Variants in COL28A1 observed in about 807,000 individuals in gnomAD.
COL28A1 encodes collagen type XXVIII alpha 1 chain.
COL28A1 carries 161 observed loss-of-function variants against 150.2 expected under a neutral mutation model. The observed-to-expected ratio is 1.07, with a 90% CI of 0.94 to 1.22. The LOEUF (loss-of-function observed/expected upper bound fraction) is 1.22. Among genes scored for constraint, COL28A1 ranks in the 50% most tolerant of loss-of-function variants. The probability of loss-of-function intolerance (pLI) is 0.00; values close to 1 mark genes in which losing one functional copy is unlikely to be tolerated. For synonymous variants in COL28A1, 552 were observed against 469.7 expected, an observed-to-expected ratio of 1.18 and a Z score of -2.26; for missense variants, 1,617 against 1,388.3, an observed-to-expected ratio of 1.16 and a Z score of -2.62.
At chr7:7,456,011 G>A (rs1787136334) in intron 16 of COL28A1, 33 bp downstream of exon 16, 1 of 1,613,080 alleles carries the variant, frequency 6.2e-7, no homozygotes. Context: ...GGAATGTTCT[G>A]CACTGAAGGG....
intron 26 of COL28A1, among the ~76,000 whole-genome samples, 175 bp from the exon 27 acceptor site, chr7:7,418,102 A>G (rs897517601): frequency 2.0e-5 from 3 of 152,254 alleles, no homozygotes; most frequent in Admixed American, 6.5e-5. Context: ...TTTAAACCAC[A>G]GAATTCTATG....
intron 15 of COL28A1, among the ~76,000 whole-genome samples, chr7:7,471,751 T>A (rs1374080623): frequency 6.6e-6 from 1 of 152,054 alleles, no homozygotes; most frequent in Non-Finnish European, 1.5e-5. Context: ...AAAAATTAGC[T>A]GGATGTGGTG....
intron 27 of COL28A1, among the ~76,000 whole-genome samples, chr7:7,410,890 G>A (rs1783753046): frequency 6.6e-6 from 1 of 152,076 alleles, no homozygotes; most frequent in Admixed American, 6.6e-5. Context: ...TTTAATAAAT[G>A]AGATTCCTTT....
chr7:7,510,034 TA>T (rs1781037382), intron 9 of COL28A1, among the ~76,000 whole-genome samples: 1 of 152,196 alleles, frequency 6.6e-6, no homozygotes, highest in African/African-American at 2.4e-5. Flanking sequence ...CCTCTTCTCC[TA>T]ACCTTCTGCC....
chr7:7,455,648 G>A (rs1389999769), intron 16 of COL28A1, among the ~76,000 whole-genome samples: 1 of 152,038 alleles, frequency 6.6e-6, no homozygotes, highest in Admixed American at 6.6e-5. Context: ...GTTGGTAGGG[G>A]GATACCACTC....
chr7:7,378,969 C>T (rs1352906177), intron 30 of COL28A1, among the ~76,000 whole-genome samples: 1 of 152,224 alleles, frequency 6.6e-6, no homozygotes, highest in Non-Finnish European at 1.5e-5. Context: ...CCTGAAACCA[C>T]CTGCTGTTTG....
At chr7:7,430,104 A>G (rs1358205895) in intron 25 of COL28A1, among the ~76,000 whole-genome samples, 3 of 152,078 alleles carry the variant, frequency 2.0e-5, no homozygotes, top group Non-Finnish European at 4.4e-5. Flanking sequence ...TGACACAGTG[A>G]AATATTCATA....
intron 25 of COL28A1, among the ~76,000 whole-genome samples, chr7:7,422,350 G>C (rs1360292775): frequency 6.6e-6 from 1 of 152,174 alleles, no homozygotes; most frequent in South Asian, 2.1e-4. Context: ...ATATGGCCAG[G>C]TTGGGCGCAG....
intron 27 of COL28A1, among the ~76,000 whole-genome samples, chr7:7,389,770 G>C (rs1031334452): frequency 6.6e-6 from 1 of 152,140 alleles, no homozygotes; most frequent in Admixed American, 6.5e-5. Context: ...TTGTGAATGG[G>C]AGTTCACTCA....
At chr7:7,474,070 A>AATATATATATATATATATATGGAAT (rs58897994) in intron 15 of COL28A1, among the ~76,000 whole-genome samples, 7 of 143,074 alleles carry the variant, frequency 4.9e-5, no homozygotes, top group Admixed American at 3.5e-4. Flanking sequence ...ATATATATGG[A>AATATATATATATATATATATGGAAT]ATATATATAT....
chr7:7,442,044 A>G (rs1475369743), intron 20 of COL28A1, among the ~76,000 whole-genome samples: 2 of 152,208 alleles, frequency 1.3e-5, no homozygotes, highest in Non-Finnish European at 2.9e-5. Flanking sequence ...CAGGAACCCA[A>G]TTACATGTAA....
At chr7:7,532,015 C>T (rs1486115004) in intron 2 of COL28A1, 111 bp from the exon 3 acceptor site, 17 of 628,830 alleles carry the variant, frequency 2.7e-5, no homozygotes, top group Non-Finnish European at 4.2e-5. Flanking sequence ...TTGAGAGCAG[C>T]GTGAGGAGAG....
Position 7,452,380 on chromosome 7 carries a change from A to C in COL28A1, c.1448T>G (p.Val483Gly), listed in dbSNP as rs1786770376. The C allele has an allele frequency of 6.3e-7, 1 of 1,596,600 alleles. No individual in the cohort carries two copies. The highest frequency in any genetic ancestry group is 1.4e-5 in the African/African-American group (1 of 73,702). ...GQGLPGSKGE[V>G]GQMGPTGPRG... ...AGGGCCTGTAGGTCCCATTTGGCCTACTTCTCCCTAGTAAGAAAAGAGTTT... is the reference window on the plus strand; with the variant it reads ...AGGGCCTGTAGGTCCCATTTGGCCTCCTTCTCCCTAGTAAGAAAAGAGTTT... The change falls in exon 18 of 35, where the codon GTA (valine) becomes GGA (glycine). Residue 483 changes from valine (V) to glycine (G), a missense_variant. By Grantham distance (109) the Val-to-Gly change is moderately radical. Coordinates refer to ENST00000399429, the MANE Select transcript of COL28A1 (RefSeq NM_001037763.3).
At chr7:7,420,015 A>T in intron 25 of COL28A1, 62 bp from the exon 26 acceptor site, 1 of 1,116,306 alleles carries the variant, frequency 9.0e-7, no homozygotes, top group Middle Eastern at 2.7e-4. Context: ...TTTTTTCAAT[A>T]TATATATTTT....
At chr7:7,398,672 G>A (rs1423491354) in intron 27 of COL28A1, among the ~76,000 whole-genome samples, 2 of 152,194 alleles carry the variant, frequency 1.3e-5, no homozygotes, top group Non-Finnish European at 2.9e-5. Context: ...ACAGCTATCT[G>A]TAAAACCTGC....
intron 27 of COL28A1, among the ~76,000 whole-genome samples, chr7:7,412,241 A>G (rs1261404997): frequency 6.6e-6 from 1 of 152,076 alleles, no homozygotes; most frequent in African/African-American, 2.4e-5. Flanking sequence ...GGTGTAAGTG[A>G]TAAAGAGGCC....
At chr7:7,462,875 A>G (rs564583338) in intron 15 of COL28A1, among the ~76,000 whole-genome samples, 1 of 150,002 alleles carries the variant, frequency 6.7e-6, no homozygotes, top group South Asian at 2.1e-4. Context: ...AAAAAAAAAA[A>G]GAAAAAAGAA....
intron 18 of COL28A1, among the ~76,000 whole-genome samples, chr7:7,451,417 G>A (rs1786683229): frequency 1.3e-5 from 2 of 151,956 alleles, no homozygotes; most frequent in Admixed American, 1.3e-4. Context: ...GTAGAGACGG[G>A]GTTTCACCAT....
the COL28A1 span, among the ~76,000 whole-genome samples, chr7:7,342,388 CTT>C: frequency 1.3e-5 from 2 of 151,972 alleles, no homozygotes; most frequent in African/African-American, 4.8e-5. Flanking sequence ...ATCTATTACT[CTT>C]TGCCTCTTAA....
Sources: gnomAD v4.1 joint callset for allele counts (sites outside exome capture counted in the v4.1 genomes callset) on GRCh38, gnomAD v4.1.1 for gene constraint, MANE v1.5 for transcripts, NCBI Gene and HGNC (gene_info 2026-07-23, HGNC 2026-07-21) for gene names.